Variants in CDH12 observed in about 807,000 individuals in gnomAD.
CDH12 encodes the protein cadherin-12.
Under a neutral mutation model 74.1 loss-of-function variants are expected in CDH12, and 41 were observed. The observed-to-expected ratio is 0.55, with a 90% CI of 0.43 to 0.72. CDH12 has a LOEUF of 0.72. Ranked by LOEUF, CDH12 falls within the 30% of genes least tolerant of loss-of-function variation. CDH12 has a pLI of 0.00. For synonymous variants in CDH12, 399 were observed against 355.0 expected, an observed-to-expected ratio of 1.12 and a Z score of -1.39; for missense variants, 945 against 977.2, an observed-to-expected ratio of 0.97 and a Z score of 0.44.
intron 5 of CDH12, among the ~76,000 whole-genome samples, chr5:22,009,757 C>T (rs1737184107): frequency 1.3e-5 from 2 of 151,772 alleles, no homozygotes; most frequent in African/African-American, 4.8e-5. Flanking sequence ...GCAGGTGGAT[C>T]ACTTGAGTCC....
intron 2 of CDH12, among the ~76,000 whole-genome samples, chr5:22,434,875 A>G (rs889040520): frequency 2.0e-5 from 3 of 152,060 alleles, no homozygotes; most frequent in Non-Finnish European, 4.4e-5. Context: ...CTTCCTTCCT[A>G]TTGAAATTGC....
intron 1 of CDH12, among the ~76,000 whole-genome samples, chr5:22,659,253 G>A (rs1444875622): frequency 6.6e-6 from 1 of 152,064 alleles, no homozygotes; most frequent in East Asian, 1.9e-4. Flanking sequence ...CAGGGTTTGG[G>A]AATGTGATTT....
At chr5:22,146,585 C>T (rs991857177) in intron 4 of CDH12, among the ~76,000 whole-genome samples, 15 of 151,968 alleles carry the variant, frequency 9.9e-5, no homozygotes, top group African/African-American at 3.6e-4. Context: ...CTTTAGCTAC[C>T]AAACAGAGGG....
intron 1 of CDH12, among the ~76,000 whole-genome samples, chr5:22,521,457 G>A (rs1387808647): frequency 6.6e-6 from 1 of 151,942 alleles, no homozygotes; most frequent in Non-Finnish European, 1.5e-5. Context: ...TTATAGACAG[G>A]ACATGTAATA....
chr5:22,497,115 A>G (rs1747133131), intron 2 of CDH12, among the ~76,000 whole-genome samples: 1 of 152,204 alleles, frequency 6.6e-6, no homozygotes, highest in African/African-American at 2.4e-5. Context: ...AACATAACAC[A>G]TACTAAAATC....
chr5:22,329,391 C>T (rs1046586307), intron 3 of CDH12, among the ~76,000 whole-genome samples: 6 of 152,208 alleles, frequency 3.9e-5, no homozygotes, highest in Non-Finnish European at 5.9e-5. Flanking sequence ...ATTCAATCTC[C>T]GACCACCCTG....
chr5:22,724,217 A>G (rs1744043835), intron 1 of CDH12, among the ~76,000 whole-genome samples: 1 of 151,080 alleles, frequency 6.6e-6, no homozygotes, highest in South Asian at 2.1e-4. Context: ...TTTTTTAAAG[A>G]TATTATTTTT....
At chr5:22,783,488 G>A (rs1747481753) in intron 1 of CDH12, among the ~76,000 whole-genome samples, 1 of 152,076 alleles carries the variant, frequency 6.6e-6, no homozygotes, top group Non-Finnish European at 1.5e-5. Context: ...TCTCAGGTAG[G>A]TGAGTTAAAA....
chr5:22,029,542 G>C (rs1307844755), intron 5 of CDH12, among the ~76,000 whole-genome samples: 1 of 151,826 alleles, frequency 6.6e-6, no homozygotes, highest in East Asian at 1.9e-4. Context: ...TCAGAGAAAT[G>C]CAAATCAAAA....
At chr5:22,271,682 G>T (rs1380698552) in intron 3 of CDH12, among the ~76,000 whole-genome samples, 1 of 152,144 alleles carries the variant, frequency 6.6e-6, no homozygotes, top group Non-Finnish European at 1.5e-5. Flanking sequence ...CTACAGAATG[G>T]ATGCTGTCTT....
At position 22,258,244 on chromosome 5, in the gene CDH12, C is replaced by T. The variant is rs181259512; in HGVS notation, c.-332-45601G>A. ...TGTATCCTTAGTACTGGTTCTTAAA[C>T]AGCCCATAAAAACCCATTGGCCTGA... On this transcript the variant is annotated intron_variant, in intron 3 of 14. Transcript: ENST00000382254. 2.0e-5 allele frequency among the ~76,000 whole-genome samples: 3 copies of T among 152,194 alleles called. No homozygotes were observed. The East Asian group carries it at 5.8e-4, about 29-fold the overall frequency.
intron 1 of CDH12, among the ~76,000 whole-genome samples, chr5:22,620,470 G>T (rs1478663212): frequency 6.6e-6 from 1 of 151,940 alleles, no homozygotes; most frequent in Admixed American, 6.6e-5. Flanking sequence ...ACATGGAAAA[G>T]AATTATAATA....
At chr5:22,302,890 G>C (rs1737951637) in intron 3 of CDH12, among the ~76,000 whole-genome samples, 1 of 152,080 alleles carries the variant, frequency 6.6e-6, no homozygotes, top group Non-Finnish European at 1.5e-5. Flanking sequence ...TGAGTTAAGA[G>C]ACTGTTGGCT....
intron 11 of CDH12, among the ~76,000 whole-genome samples, chr5:21,767,331 A>C (rs1430008592): frequency 6.6e-6 from 1 of 151,764 alleles, no homozygotes; most frequent in Non-Finnish European, 1.5e-5. Flanking sequence ...AGAAAAAGTT[A>C]TTAAAATGAA....
At chr5:22,558,718 A>C (rs184894736) in intron 1 of CDH12, among the ~76,000 whole-genome samples, 177 of 152,214 alleles carry the variant, frequency 1.2e-3, no homozygotes, top group African/African-American at 4.2e-3. Flanking sequence ...CAATGAATAT[A>C]CTGAGAAAAA....
At chr5:22,783,441 C>T (rs921639017) in intron 1 of CDH12, among the ~76,000 whole-genome samples, 13 of 152,038 alleles carry the variant, frequency 8.6e-5, no homozygotes, top group African/African-American at 2.9e-4. Context: ...TTAGAATAGA[C>T]TTTGTTAAAA....
At chr5:22,238,606 T>C (rs1752638261) in intron 3 of CDH12, among the ~76,000 whole-genome samples, 1 of 152,174 alleles carries the variant, frequency 6.6e-6, no homozygotes, top group Non-Finnish European at 1.5e-5. Flanking sequence ...TTTTTCCTTG[T>C]CAGTGCTGAG....
intron 1 of CDH12, among the ~76,000 whole-genome samples, chr5:22,828,244 T>C (rs1343822055): frequency 1.3e-5 from 2 of 152,282 alleles, no homozygotes; most frequent in Non-Finnish European, 2.9e-5. Flanking sequence ...GAAAGAATTG[T>C]CTATAAATAA....
intron 4 of CDH12, among the ~76,000 whole-genome samples, chr5:22,091,457 T>C (rs1743430730): frequency 6.6e-6 from 1 of 151,608 alleles, no homozygotes. Context: ...TACTTCCATT[T>C]ATAATAGTGT....
Sources: gnomAD v4.1 joint callset for allele counts (sites outside exome capture counted in the v4.1 genomes callset) on GRCh38, gnomAD v4.1.1 for gene constraint, MANE v1.5 for transcripts, NCBI Gene and HGNC (gene_info 2026-07-23, HGNC 2026-07-21) for gene names.